The following CACNA1C variants were observed in gnomAD, a reference collection of about 807,000 sequenced individuals.
The protein encoded by CACNA1C is voltage-dependent L-type calcium channel subunit alpha-1C.
A neutral mutation model predicts 229.0 loss-of-function variants in CACNA1C; 30 were observed. The ratio of observed to expected loss-of-function variants is 0.13; its 90% CI spans 0.10 to 0.18. The LOEUF is 0.18. CACNA1C is among the 10% of genes least tolerant of loss of function. The probability of loss-of-function intolerance (pLI) is 1.00; values close to 1 mark genes in which losing one functional copy is unlikely to be tolerated. For missense variants in CACNA1C, 1,658 were observed against 2,845.0 expected, an observed-to-expected ratio of 0.58 and a Z score of 9.49; for synonymous variants, 1,114 against 1,132.5, an observed-to-expected ratio of 0.98 and a Z score of 0.33.
chr12:2,656,564 G>T (rs1384732143), intron 34 of CACNA1C, among the ~76,000 whole-genome samples: 3 of 152,090 alleles, frequency 2.0e-5, no homozygotes, highest in Non-Finnish European at 4.4e-5. Context: ...ATTTTTTATG[G>T]AAATGGAAAA....
intron 3 of CACNA1C, among the ~76,000 whole-genome samples, chr12:2,232,227 G>GTTTTTTTTTTTTTTTTTTTTTTTTT (rs1169407536): frequency 2.0e-3 from 148 of 73,538 alleles, no homozygotes; most frequent in Non-Finnish European, 2.6e-3. Flanking sequence ...GTCTTTCCTT[G>GTTTTTTTTTTTTTTTTTTTTTTTTT]TTTTTTTTTT....
At chr12:2,169,146 C>G (rs373423402) in intron 3 of CACNA1C, among the ~76,000 whole-genome samples, 1 of 152,150 alleles carries the variant, frequency 6.6e-6, no homozygotes, top group African/African-American at 2.4e-5. Flanking sequence ...CTCTGTAAAT[C>G]GATCCCGCAC....
At chr12:2,611,861 T>C (rs185998420) in intron 28 of CACNA1C, 42 bp from the exon 29 acceptor site, 1 of 1,295,200 alleles carries the variant, frequency 7.7e-7, no homozygotes, top group African/African-American at 1.5e-5. Context: ...AGGAGCGACC[T>C]CCCTGCCCCG....
chr12:2,301,432 G>C (rs1018455736), intron 3 of CACNA1C, among the ~76,000 whole-genome samples: 1 of 152,192 alleles, frequency 6.6e-6, no homozygotes, highest in Non-Finnish European at 1.5e-5. Flanking sequence ...CGCACAGAAG[G>C]TACCTGATCC....
At chr12:2,478,838 C>T (rs578141657) in intron 5 of CACNA1C, among the ~76,000 whole-genome samples, 1 of 152,292 alleles carries the variant, frequency 6.6e-6, no homozygotes, top group South Asian at 2.1e-4. Context: ...CAGGGTGCTT[C>T]ATAGGTTCTC....
At position 2,630,332 on chromosome 12, in the gene CACNA1C, G is replaced by A. The variant is rs888251793; in HGVS notation, c.3829-3965G>A. On this transcript the variant is annotated intron_variant, in intron 29 of 46. Transcript: ENST00000399655. The surrounding 1 kb of genome is among the most constrained non-coding windows in gnomAD (Gnocchi z 5.4). ...AATGGTTTCCAGCAACCGAGGGGGC[G>A]GGCAAAAACAGAGAGAAGAGAGATG... is the stretch of plus-strand genomic sequence containing the variant. Among the ~76,000 whole-genome samples, 13 of 152,048 alleles carry A rather than the reference G, an allele frequency of 8.5e-5. No individual in the cohort carries two copies. Among genetic ancestry groups the A allele is most frequent in the African/African-American group, 2.7e-4 (11 of 41,402 alleles).
At chr12:2,547,247 A>G (rs189949795) in intron 9 of CACNA1C, among the ~76,000 whole-genome samples, 1 of 152,028 alleles carries the variant, frequency 6.6e-6, no homozygotes, top group Admixed American at 6.5e-5. Flanking sequence ...AATTCATGTG[A>G]GTTGGGAGTT....
intron 5 of CACNA1C, among the ~76,000 whole-genome samples, chr12:2,484,057 A>T (rs138050041): frequency 1.3e-5 from 2 of 152,400 alleles, no homozygotes; most frequent in Non-Finnish European, 2.9e-5. Flanking sequence ...GAACAGGCAC[A>T]GTCCCTCTCA....
Position 2,229,048 on chromosome 12 carries a change from T to A in CACNA1C, c.477+108618T>A, listed in dbSNP as rs547084113. Reference sequence around the variant, plus strand: ...CAGCAGATGTATGGGCCCATTACTATTAGCGGGGCAAGTTCTTAGGGGTGT... The same window carrying A: ...CAGCAGATGTATGGGCCCATTACTAATAGCGGGGCAAGTTCTTAGGGGTGT... On this transcript the variant is annotated intron_variant, in intron 3 of 46. Transcript: ENST00000399655. Among the ~76,000 whole-genome samples, 47 of 152,256 alleles carry A rather than the reference T, an allele frequency of 3.1e-4. 1 individual carries two copies. The highest frequency in any genetic ancestry group is 6.0e-4 in the Non-Finnish European group (41 of 68,006).
Position 2,591,866 on chromosome 12 carries a change from G to A in CACNA1C, c.2531-1347G>A, listed in dbSNP as rs1043407351. Among the ~76,000 whole-genome samples the A allele has an allele frequency of 4.6e-5, 7 of 152,300 alleles. No individual in the cohort carries two copies. The East Asian group carries it at 1.2e-3, about 25-fold the overall frequency. ...TTGCCTCTCCTAACTTCTTGTGGTT[G>A]CCGGCAGTCCTTGGCTTGTAGATGC... On this transcript the variant is annotated intron_variant, in intron 18 of 46. Transcript: ENST00000399655.
rs565320708 is a variant in CACNA1C at position 2,346,154 on chromosome 12, G to A, written c.478-102822G>A. Among the ~76,000 whole-genome samples, 23 of 152,232 alleles carry A rather than the reference G, an allele frequency of 1.5e-4. No homozygotes were observed. The highest frequency in any genetic ancestry group is 2.1e-4 in the South Asian group (1 of 4,822). Reference sequence around the variant, plus strand: ...CTGGATCCGCTGCAAGGTGATAGCCGTGGCTTGGTTGTCTGTGGGTGGAGC... The same window carrying A: ...CTGGATCCGCTGCAAGGTGATAGCCATGGCTTGGTTGTCTGTGGGTGGAGC... On this transcript the variant is annotated intron_variant, in intron 3 of 46. Coordinates refer to ENST00000399655, the MANE Select transcript of CACNA1C (RefSeq NM_000719.7). This position sits in a 1 kb window ranked among gnomAD's most constrained non-coding sequence, Gnocchi z 4.4.
At chr12:2,128,633 G>C (rs945528930) in intron 3 of CACNA1C, among the ~76,000 whole-genome samples, 1 of 152,160 alleles carries the variant, frequency 6.6e-6, no homozygotes, top group East Asian at 1.9e-4. Context: ...GGATGGTCTC[G>C]ATCTCCTGAC....
intron 5 of CACNA1C, among the ~76,000 whole-genome samples, chr12:2,478,539 C>T (rs371325727): frequency 3.9e-5 from 6 of 152,338 alleles, no homozygotes; most frequent in African/African-American, 7.2e-5. Flanking sequence ...ACCTGTGTCA[C>T]GCTTCTAAGA....
At chr12:2,182,371 C>T (rs2096868310) in intron 3 of CACNA1C, among the ~76,000 whole-genome samples, 1 of 152,072 alleles carries the variant, frequency 6.6e-6, no homozygotes, top group Non-Finnish European at 1.5e-5. Flanking sequence ...TTCTACGAGG[C>T]CCCTCTCCCA....
At chr12:2,283,020 C>T (rs977532503) in intron 3 of CACNA1C, among the ~76,000 whole-genome samples, 3 of 144,342 alleles carry the variant, frequency 2.1e-5, no homozygotes, top group Admixed American at 7.0e-5. Context: ...CACTCTGGCC[C>T]TTTTTTTTTT....
intron 3 of CACNA1C, among the ~76,000 whole-genome samples, chr12:2,251,415 C>A (rs1325894875): frequency 6.6e-6 from 1 of 152,200 alleles, no homozygotes; most frequent in East Asian, 1.9e-4. Context: ...TGAAAATTCT[C>A]CCCTGCAAGG....
intron 9 of CACNA1C, chr12:2,547,496 T>A: frequency 1.3e-6 from 1 of 779,776 alleles, no homozygotes; most frequent in Non-Finnish European, 2.4e-6. Context: ...GGAAGTTTGC[T>A]TGGTTTAGTC....
intron 9 of CACNA1C, among the ~76,000 whole-genome samples, chr12:2,534,732 C>T (rs1375081539): frequency 1.3e-5 from 2 of 152,224 alleles, no homozygotes; most frequent in African/African-American, 2.4e-5. Context: ...TGCAGTTCTC[C>T]TTCTTTAGTG....
intron 1 of CACNA1C, among the ~76,000 whole-genome samples, chr12:2,077,502 G>A (rs1204237156): frequency 6.6e-6 from 1 of 152,080 alleles, no homozygotes; most frequent in East Asian, 1.9e-4. Flanking sequence ...TGTATGCCAG[G>A]CCTTATGTCA....
Sources: allele counts gnomAD v4.1 joint callset (sites outside exome capture counted in the v4.1 genomes callset), GRCh38; gene constraint gnomAD v4.1.1; non-coding constraint Gnocchi (gnomAD v3.1); transcripts MANE v1.5; gene names NCBI Gene and HGNC (gene_info 2026-07-23, HGNC 2026-07-21).